The following ARHGEF26 variants were observed in gnomAD, a reference collection of about 807,000 sequenced individuals.
ARHGEF26 encodes Rho guanine nucleotide exchange factor (GEF) 26.
A neutral mutation model predicts 89.4 loss-of-function variants in ARHGEF26; 59 were observed. The ratio of observed to expected loss-of-function variants is 0.66; its 90% CI spans 0.54 to 0.82. The LOEUF is 0.82. Ranked by LOEUF, ARHGEF26 falls within the 40% of genes least tolerant of loss-of-function variation. ARHGEF26 has a pLI of 0.00. For missense variants in ARHGEF26, 1,234 were observed against 1,085.6 expected, an observed-to-expected ratio of 1.14 and a Z score of -1.92; for synonymous variants, 500 against 428.4, an observed-to-expected ratio of 1.17 and a Z score of -2.06.
intron 9 of ARHGEF26, among the ~76,000 whole-genome samples, chr3:154,214,559 C>T (rs578104913): frequency 2.0e-4 from 31 of 152,116 alleles, no homozygotes; most frequent in African/African-American, 7.0e-4. Context: ...GGGACAAGAG[C>T]GTGATGAAGG....
intron 4 of ARHGEF26, among the ~76,000 whole-genome samples, chr3:154,140,817 G>T (rs1207942489): frequency 6.6e-6 from 1 of 152,122 alleles, no homozygotes; most frequent in African/African-American, 2.4e-5. Context: ...CTAAGCTCAG[G>T]TTATCTGCTC....
intron 7 of ARHGEF26, among the ~76,000 whole-genome samples, chr3:154,189,391 G>A (rs1713805066): frequency 7.0e-6 from 1 of 141,966 alleles, no homozygotes; most frequent in Non-Finnish European, 1.5e-5. Flanking sequence ...AGGCTGGAGT[G>A]CAGTGGCGCA....
chr3:154,191,150 G>C, intron 7 of ARHGEF26, 139 bp from the exon 8 acceptor site: 3 of 893,280 alleles, frequency 3.4e-6, no homozygotes, highest in Non-Finnish European at 4.9e-6. Flanking sequence ...GTGTAATTAT[G>C]TGCTTATGAT....
intron 6 of ARHGEF26, among the ~76,000 whole-genome samples, chr3:154,160,235 G>A (rs1711578414): frequency 2.0e-5 from 3 of 152,258 alleles, no homozygotes; most frequent in Middle Eastern, 3.4e-3. Flanking sequence ...GAGTATTCTA[G>A]TCCATGTTGT....
chr3:154,157,148 CA>C (rs913175001), intron 6 of ARHGEF26, among the ~76,000 whole-genome samples: 1 of 149,364 alleles, frequency 6.7e-6, no homozygotes, highest in African/African-American at 2.4e-5. Flanking sequence ...TATGTCTCTG[CA>C]AAATTCTTTT....
intron 9 of ARHGEF26, among the ~76,000 whole-genome samples, chr3:154,212,911 T>G (rs1238364266): frequency 6.6e-6 from 1 of 152,160 alleles, no homozygotes; most frequent in Non-Finnish European, 1.5e-5. Flanking sequence ...ACATTCTAAG[T>G]TGTGCTCCAT....
At chr3:154,121,634 C>A (rs1325564666) in intron 1 of ARHGEF26, 115 bp downstream of exon 1, 1 of 247,918 alleles carries the variant, frequency 4.0e-6, no homozygotes, top group Non-Finnish European at 7.7e-6. Context: ...GAAAGCTGAA[C>A]TCGTCCCAAG....
In ARHGEF26 at chr3:154,225,841, T is replaced by C; in HGVS notation, c.1936-15T>C. The C allele has an allele frequency of 6.3e-7, 1 of 1,582,994 alleles. No homozygotes were observed. Among genetic ancestry groups the C allele is most frequent in the Non-Finnish European group, 8.6e-7 (1 of 1,169,518 alleles). ...TCAATTTAGCTTTGGTCACTGGGTT[T>C]TTCTCCTTTTGTAGCCTTTTCCTTT... On this transcript the variant is annotated splice_polypyrimidine_tract_variant and intron_variant, in intron 10 of 14. Transcript: ENST00000465093.
intron 6 of ARHGEF26, among the ~76,000 whole-genome samples, chr3:154,182,505 T>C (rs1713251238): frequency 1.3e-5 from 2 of 152,238 alleles, no homozygotes; most frequent in Admixed American, 6.5e-5. Flanking sequence ...CCTGATATGG[T>C]TGCTGACCCT....
chr3:154,191,620 G>T (rs1021004740), intron 8 of ARHGEF26, among the ~76,000 whole-genome samples: 13 of 152,138 alleles, frequency 8.5e-5, no homozygotes, highest in Non-Finnish European at 1.3e-4. Flanking sequence ...AGGCTTCTAT[G>T]GTCATTCTGA....
intron 12 of ARHGEF26, among the ~76,000 whole-genome samples, chr3:154,244,207 T>A (rs1327469253): frequency 6.6e-6 from 1 of 152,206 alleles, no homozygotes; most frequent in Non-Finnish European, 1.5e-5. Flanking sequence ...ATCTTTACTT[T>A]CTTTGAAAAA....
chr3:154,191,189 C>G, intron 7 of ARHGEF26, 100 bp from the exon 8 acceptor site: 1 of 1,255,928 alleles, frequency 8.0e-7, no homozygotes, highest in East Asian at 2.5e-5. Context: ...ATAGTTGATG[C>G]TATATGGATT....
chr3:154,157,068 C>G (rs1325647097), intron 6 of ARHGEF26, among the ~76,000 whole-genome samples: 3 of 152,122 alleles, frequency 2.0e-5, no homozygotes, highest in Non-Finnish European at 4.4e-5. Flanking sequence ...TAAGTTGACA[C>G]TATTTGAAAA....
rs1230650233 is a variant in ARHGEF26 at position 154,257,771 on chromosome 3, C to CT, written c.*2299dup. 6.6e-6 allele frequency: 1 copy of CT among 152,174 alleles called. No individual in the cohort carries two copies. The highest frequency in any genetic ancestry group is 1.5e-5 in the Non-Finnish European group (1 of 68,038). The allele number at this position is 152,174 out of a possible 1,614,324, so 9.4% of individuals were successfully genotyped here. On this transcript the variant is annotated 3_prime_UTR_variant, in exon 15 of 15. Coordinates refer to ENST00000465093, the MANE Select transcript of ARHGEF26 (RefSeq NM_015595.4). ...TCATTTTTGTCCCAGTAAATTGAGA[C>CT]TGCTTGTACACTTTCAGAAAAATAT...
At chr3:154,141,216 C>G (rs532374847) in intron 4 of ARHGEF26, among the ~76,000 whole-genome samples, 1 of 152,256 alleles carries the variant, frequency 6.6e-6, no homozygotes, top group African/African-American at 2.4e-5. Context: ...CCGCCCGCCT[C>G]GGCCTCCCAA....
rs955746937 is a variant in ARHGEF26 at position 154,156,281 on chromosome 3, C to A, written c.1487+3349C>A. Reference sequence around the variant, plus strand: ...ATTTAAAGTATAGACTAAAATTTTACTTTAATTTCAGTCATTTACAAAATT... The same window carrying A: ...ATTTAAAGTATAGACTAAAATTTTAATTTAATTTCAGTCATTTACAAAATT... On this transcript the variant is annotated intron_variant, in intron 6 of 14. Transcript: ENST00000465093. 3.9e-5 allele frequency among the ~76,000 whole-genome samples: 6 copies of A among 152,052 alleles called. No individual in the cohort carries two copies. The East Asian group carries it at 5.8e-4, about 15-fold the overall frequency.
intron 6 of ARHGEF26, among the ~76,000 whole-genome samples, chr3:154,167,685 G>T (rs2108131379): frequency 6.6e-6 from 1 of 152,246 alleles, no homozygotes; most frequent in African/African-American, 2.4e-5. Context: ...ACAGAGCCTG[G>T]ATTATGTCAC....
chr3:154,157,010 A>G (rs986964531), intron 6 of ARHGEF26, among the ~76,000 whole-genome samples: 5 of 152,104 alleles, frequency 3.3e-5, no homozygotes, highest in African/African-American at 1.2e-4. Context: ...AGTCCCCTGT[A>G]TTGTGGCTTA....
intron 6 of ARHGEF26, among the ~76,000 whole-genome samples, chr3:154,174,551 T>C (rs2108146963): frequency 6.6e-6 from 1 of 152,324 alleles, no homozygotes; most frequent in South Asian, 2.1e-4. Flanking sequence ...TAATGAATTA[T>C]ATTAATAAAT....
Sources: allele counts gnomAD v4.1 joint callset (sites outside exome capture counted in the v4.1 genomes callset), GRCh38; gene constraint gnomAD v4.1.1; transcripts MANE v1.5; gene names NCBI Gene and HGNC (gene_info 2026-07-23, HGNC 2026-07-21).